The following LILRB1 variants were observed in gnomAD, a reference collection of about 807,000 sequenced individuals.
LILRB1 encodes the protein leukocyte immunoglobulin like receptor B1, also known as leukocyte immunoglobulin-like receptor subfamily B member 1.
A neutral mutation model predicts 74.6 loss-of-function variants in LILRB1; 59 were observed. The ratio of observed to expected loss-of-function variants is 0.79; its 90% CI spans 0.64 to 0.98. The LOEUF (loss-of-function observed/expected upper bound fraction) is 0.98. Among genes scored for constraint, LILRB1 ranks in the 50% least tolerant of loss-of-function variants. The pLI, the probability that LILRB1 is intolerant of heterozygous loss-of-function variation, is 0.00. For synonymous variants in LILRB1, 328 were observed against 333.9 expected, an observed-to-expected ratio of 0.98 and a Z score of 0.19; for missense variants, 804 against 822.6, an observed-to-expected ratio of 0.98 and a Z score of 0.28.
chr19:54,631,124 G>A lies in LILRB1; in HGVS notation c.34+17G>A. The A allele has an allele frequency of 6.2e-7, 1 of 1,614,024 alleles. No individual in the cohort carries two copies. The highest frequency in any genetic ancestry group is 1.3e-5 in the African/African-American group (1 of 75,036). ...TCTGTCTCGGTGAGATTTGAAGAAG[G>A]AGGGGAGCTTCTAACCTAAGAGGGA... On this transcript the variant is annotated intron_variant, in intron 2 of 14. Transcript: ENST00000324602.
At position 54,638,019 on chromosome 19, in the gene LILRB1, T is replaced by C. The variant is rs2064568314; in HGVS notation, c.*1141T>C. The stretch of plus-strand genomic sequence containing the variant: ...TGACTATAATAAAAATAATCTCGAG[T>C]TCACGAAGCTTCATTGGTGATTTCT... On this transcript the variant is annotated 3_prime_UTR_variant, in exon 15 of 15. Coordinates refer to ENST00000324602, the MANE Select transcript of LILRB1 (RefSeq NM_001081637.3). 6.6e-6 allele frequency among the ~76,000 whole-genome samples: 1 copy of C among 152,074 alleles called. No individual in the cohort carries two copies. Among genetic ancestry groups the C allele is most frequent in the Admixed American group, 6.6e-5 (1 of 15,264 alleles).
Position 54,632,006 on chromosome 19 carries a change from C to G in LILRB1, c.430C>G (p.Gln144Glu). 2 of 1,614,170 alleles carry G rather than the reference C, an allele frequency of 1.2e-6. No homozygotes were observed. Among genetic ancestry groups the G allele is most frequent in the Non-Finnish European group, 1.7e-6 (2 of 1,179,940 alleles). Reference sequence around the variant, plus strand: ...GAACTCAGGAGGGAATGTAACCCTCCAGTGTGACTCACAGGTGGCATTTGA... The same window carrying G: ...GAACTCAGGAGGGAATGTAACCCTCGAGTGTGACTCACAGGTGGCATTTGA... Reference protein sequence around the residue: ...VVNSGGNVTLQCDSQVAFDGF... With the variant: ...VVNSGGNVTLECDSQVAFDGF... Residue 144 changes from glutamine to glutamate, a missense_variant, in exon 5 of 15, where the codon CAG (glutamine) becomes GAG (glutamate). Gln to Glu is a conservative substitution (Grantham distance 29). Transcript: ENST00000324602.
At position 54,634,797 on chromosome 19, in the gene LILRB1, C is replaced by CCGAG. The variant is rs144624918; in HGVS notation, c.1486+35_1486+38dup. 1,942 of 1,610,058 alleles carry CCGAG rather than the reference C, an allele frequency of 1.2e-3. 26 individuals are homozygous for CCGAG. The African/African-American group carries it at 0.023, about 19-fold the overall frequency. Reference sequence around the variant, plus strand: ...GGAATGGGGGGACCCTGAGGGCTGACCGAGGGTGGGCTCAGGGCACAGCCA... The same window carrying CCGAG: ...GGAATGGGGGGACCCTGAGGGCTGACCGAGCGAGGGTGGGCTCAGGGCACAGCCA... On this transcript the variant is annotated intron_variant, in intron 10 of 14. Transcript: ENST00000324602.
chr19:54,620,506 G>A (rs1335202624), intron 1 of LILRB1, among the ~76,000 whole-genome samples: 3 of 152,052 alleles, frequency 2.0e-5, no homozygotes, highest in Non-Finnish European at 4.4e-5. Context: ...GAGCTTGTTT[G>A]GATTGATGCA....
In LILRB1 at chr19:54,631,312, T is replaced by C. The variant is rs548722821; in HGVS notation, c.70+6T>C. On this transcript the variant is annotated splice_donor_region_variant and intron_variant, in intron 3 of 14. Transcript: ENST00000324602. The stretch of plus-strand genomic sequence containing the variant: ...CCGGACCCACGTGCAGGCAGGTGAG[T>C]CTGTCCCCAGCTCTTCCAGGTCCCT... The C allele has an allele frequency of 2.5e-6, 4 of 1,613,116 alleles. No homozygotes were observed. In the African/African-American group the frequency reaches 5.3e-5, roughly 22 times the overall value.
rs1965648602 is a variant in LILRB1, at chr19:54,631,008, G to A, written c.-48-18G>A. 6.2e-7 allele frequency: 1 copy of A among 1,614,138 alleles called. No individual in the cohort carries two copies. Among genetic ancestry groups the A allele is most frequent in the Non-Finnish European group, 8.5e-7 (1 of 1,180,014 alleles). On this transcript the variant is annotated intron_variant, in intron 1 of 14. Coordinates refer to ENST00000324602, the MANE Select transcript of LILRB1 (RefSeq NM_001081637.3). ...GCCTCCGATTGGCCACACTCTGTGT[G>A]TCTCTCTATCCTGCCAGCACCGAGG...
Position 54,637,044 on chromosome 19 carries a change from A to G in LILRB1, c.*166A>G. 1.3e-6 allele frequency: 1 copy of G among 745,714 alleles called. No individual in the cohort carries two copies. Among genetic ancestry groups the G allele is most frequent in the East Asian group, 2.7e-5 (1 of 36,800 alleles). 46.2% of individuals were successfully genotyped at this position (745,714 alleles called of 1,614,324 possible). Reference sequence around the variant, plus strand: ...CAGTATAAATAACTAATGTCTCTACAATTTTGAAATAAAGCAACAGACTTC... The same window carrying G: ...CAGTATAAATAACTAATGTCTCTACGATTTTGAAATAAAGCAACAGACTTC... On this transcript the variant is annotated 3_prime_UTR_variant, in exon 15 of 15. Coordinates refer to ENST00000324602, the MANE Select transcript of LILRB1 (RefSeq NM_001081637.3).
At chr19:54,621,059 A>G (rs1384712549) in intron 1 of LILRB1, among the ~76,000 whole-genome samples, 2 of 151,788 alleles carry the variant, frequency 1.3e-5, no homozygotes, top group East Asian at 3.9e-4. Flanking sequence ...TTTTTAGTAG[A>G]GACAGGGTTT....
chr19:54,619,505 A>G (rs549757862), intron 1 of LILRB1, among the ~76,000 whole-genome samples: 28 of 152,170 alleles, frequency 1.8e-4, no homozygotes, highest in Non-Finnish European at 3.5e-4. Context: ...AAAAGTTTTT[A>G]ATTTTTAAAT....
intron 1 of LILRB1, among the ~76,000 whole-genome samples, chr19:54,624,224 TC>T (rs1364073151): frequency 4.6e-5 from 7 of 152,172 alleles, no homozygotes. Context: ...CTGGAGCAGC[TC>T]CTAGTGAAAT....
upstream of LILRB1, among the ~76,000 whole-genome samples, chr19:54,629,905 G>A (rs1448695085): frequency 6.8e-6 from 1 of 146,850 alleles, no homozygotes; most frequent in Non-Finnish European, 1.5e-5. Flanking sequence ...CAGATAGATG[G>A]ACAAATACAC....
At chr19:54,617,162 AAAGAG>A (rs1252831695) in exon 1 of LILRB1, 3 of 152,356 alleles carry the variant, frequency 2.0e-5, no homozygotes, top group Non-Finnish European at 2.9e-5. Context: ...AGAGAAGAGA[AAAGAG>A]GAGAGGAGAG....
At chr19:54,632,911 A>C (rs1045754589) in intron 6 of LILRB1, 105 bp from the exon 7 acceptor site, 2 of 1,548,180 alleles carry the variant, frequency 1.3e-6, no homozygotes, top group African/African-American at 2.7e-5. Flanking sequence ...GGGGAGACTC[A>C]GAGAAAACAG....
rs529582467 is a variant in LILRB1, at chr19:54,634,480, C to T, written c.1364-161C>T. The T allele has an allele frequency of 3.3e-4, 496 of 1,512,004 alleles. 1 individual carries two copies. In the African/African-American group the frequency reaches 5.9e-3, roughly 18 times the overall value. The allele number at this position is 1,512,004 out of a possible 1,614,324, so 93.7% of individuals were successfully genotyped here. On this transcript the variant is annotated intron_variant, in intron 9 of 14. Coordinates refer to ENST00000324602, the MANE Select transcript of LILRB1 (RefSeq NM_001081637.3). ...CGGGCAGGCGATTCCCCTCTCTGAG[C>T]GTCAGTTTTTCATCTGTACAGTGGG...
intron 2 of LILRB1, 35 bp from the exon 3 acceptor site, chr19:54,631,236 A>G: frequency 6.6e-7 from 1 of 1,513,648 alleles, no homozygotes; most frequent in Non-Finnish European, 8.9e-7. Context: ...CCCAGGCTTC[A>G]GGGGGCAAAT....
chr19:54,622,346 G>A (rs867089172), intron 1 of LILRB1, among the ~76,000 whole-genome samples: 1 of 152,180 alleles, frequency 6.6e-6, no homozygotes, highest in South Asian at 2.1e-4. Context: ...CTATTTGGTT[G>A]TGTTGCCTAC....
intron 9 of LILRB1, 25 bp downstream of exon 9, chr19:54,634,046 G>T: frequency 6.3e-7 from 1 of 1,575,774 alleles, no homozygotes; most frequent in Non-Finnish European, 8.6e-7. Flanking sequence ...CTGAGTGGGA[G>T]GTGGGCAGGG....
chr19:54,625,607 C>T (rs1198853498), upstream of LILRB1, among the ~76,000 whole-genome samples: 1 of 152,044 alleles, frequency 6.6e-6, no homozygotes, highest in East Asian at 1.9e-4. Flanking sequence ...GAGCCTCTCA[C>T]TCACTCACCC....
At chr19:54,616,737 T>C (rs1437858847), upstream of LILRB1, among the ~76,000 whole-genome samples, 3 of 152,166 alleles carry the variant, frequency 2.0e-5, no homozygotes, top group African/African-American at 4.8e-5. Context: ...GGCTTGTCTG[T>C]TCACATTTGC....
Sources: gnomAD v4.1 joint callset for allele counts (sites outside exome capture counted in the v4.1 genomes callset) on GRCh38, gnomAD v4.1.1 for gene constraint, MANE v1.5 for transcripts, NCBI Gene and HGNC (gene_info 2026-07-23, HGNC 2026-07-21) for gene names.